PGCKA1: variants seen among roughly 807,000 people sequenced by gnomAD.
PGCKA1 encodes the protein PDCD10 and GCKIII kinases-associated protein 1.
the PGCKA1 span, among the ~76,000 whole-genome samples, chr4:37,478,287 G>T: frequency 6.6e-6 from 1 of 151,664 alleles, no homozygotes. Flanking sequence ...AATTTCCCTA[G>T]CCTAGACACA....
the PGCKA1 span, among the ~76,000 whole-genome samples, chr4:37,543,035 T>C: frequency 6.6e-6 from 1 of 152,246 alleles, no homozygotes; most frequent in South Asian, 2.1e-4. Flanking sequence ...CTCTTTCTCA[T>C]GACTTTCTCT....
the PGCKA1 span, among the ~76,000 whole-genome samples, chr4:37,577,130 A>G: frequency 6.6e-6 from 1 of 152,032 alleles, no homozygotes; most frequent in East Asian, 1.9e-4. Flanking sequence ...CTCCTCCTCT[A>G]TTTTTGAGAA....
the PGCKA1 span, among the ~76,000 whole-genome samples, chr4:37,487,064 A>G: frequency 2.0e-5 from 3 of 152,196 alleles, no homozygotes; most frequent in Non-Finnish European, 4.4e-5. Flanking sequence ...GATGGTGGTT[A>G]TTACTGGGGT....
the PGCKA1 span, among the ~76,000 whole-genome samples, chr4:37,573,585 C>T: frequency 3.3e-5 from 5 of 152,278 alleles, no homozygotes; most frequent in South Asian, 8.3e-4. Flanking sequence ...TTGTAACTGG[C>T]TTTTTTGCAC....
the PGCKA1 span, among the ~76,000 whole-genome samples, chr4:37,486,431 T>C: frequency 6.6e-6 from 1 of 152,200 alleles, no homozygotes; most frequent in East Asian, 1.9e-4. Context: ...CACTTATTTA[T>C]TGACATTCAG....
chr4:37,569,979 CTT>C, the PGCKA1 span, among the ~76,000 whole-genome samples: 30 of 119,254 alleles, frequency 2.5e-4, no homozygotes, highest in African/African-American at 4.9e-4. Flanking sequence ...GCATATAATC[CTT>C]TTTTTTTTTT....
chr4:37,463,660 G>A, the PGCKA1 span, among the ~76,000 whole-genome samples: 2 of 152,122 alleles, frequency 1.3e-5, no homozygotes, highest in African/African-American at 4.8e-5. Context: ...TTGTGGCGCT[G>A]GGGAGGTGAG....
the PGCKA1 span, among the ~76,000 whole-genome samples, chr4:37,570,425 C>A: frequency 1.2e-5 from 1 of 81,854 alleles, no homozygotes; most frequent in East Asian, 3.3e-4. Flanking sequence ...GGAAATGTTT[C>A]TGCCAAAAAA....
chr4:37,532,741 G>A, the PGCKA1 span, among the ~76,000 whole-genome samples: 8 of 152,164 alleles, frequency 5.3e-5, no homozygotes, highest in East Asian at 1.2e-3. Context: ...TTTTAATCCT[G>A]TTGTTTAAAA....
chr4:37,472,798 C>A, the PGCKA1 span, among the ~76,000 whole-genome samples: 1 of 152,128 alleles, frequency 6.6e-6, no homozygotes, highest in African/African-American at 2.4e-5. Flanking sequence ...TATGACCAGT[C>A]CCTATTTTTC....
At chr4:37,509,675 T>C in the PGCKA1 span, among the ~76,000 whole-genome samples, 1 of 150,864 alleles carries the variant, frequency 6.6e-6, no homozygotes, top group Non-Finnish European at 1.5e-5. Context: ...TGGGCAACAT[T>C]GAGCACTGAG....
chr4:37,531,453 A>G, the PGCKA1 span, among the ~76,000 whole-genome samples: 1 of 152,234 alleles, frequency 6.6e-6, no homozygotes, highest in South Asian at 2.1e-4. Context: ...TGGGAAATGC[A>G]TTTGCCCTTC....
chr4:37,544,231 T>G, the PGCKA1 span, among the ~76,000 whole-genome samples: 1 of 152,192 alleles, frequency 6.6e-6, no homozygotes, highest in African/African-American at 2.4e-5. Context: ...TGTATATCAT[T>G]GAGTTTTTTT....
the PGCKA1 span, among the ~76,000 whole-genome samples, chr4:37,475,577 G>A: frequency 6.6e-6 from 1 of 152,026 alleles, no homozygotes; most frequent in African/African-American, 2.4e-5. Flanking sequence ...AGGAAATTTT[G>A]TCTAGTTTCT....
the PGCKA1 span, among the ~76,000 whole-genome samples, chr4:37,497,552 A>T: frequency 2.6e-5 from 4 of 151,818 alleles, no homozygotes; most frequent in Admixed American, 2.0e-4. Flanking sequence ...ACTGTTTTTT[A>T]TTTTTTTGAT....
the PGCKA1 span, among the ~76,000 whole-genome samples, chr4:37,557,702 G>A: frequency 1.3e-5 from 2 of 152,138 alleles, no homozygotes. Flanking sequence ...TTTGGTTATT[G>A]GACAACTCCA....
the PGCKA1 span, among the ~76,000 whole-genome samples, chr4:37,507,846 T>C: frequency 1.3e-5 from 2 of 152,302 alleles, no homozygotes; most frequent in East Asian, 3.9e-4. Flanking sequence ...CCTTTAGCCT[T>C]TCTTGTTGAA....
the PGCKA1 span, among the ~76,000 whole-genome samples, chr4:37,518,489 T>C: frequency 6.6e-6 from 1 of 152,224 alleles, no homozygotes; most frequent in Admixed American, 6.5e-5. Context: ...TAGTATCTCA[T>C]TGTAATTTTG....
At chr4:37,533,561 T>C in the PGCKA1 span, among the ~76,000 whole-genome samples, 1 of 152,240 alleles carries the variant, frequency 6.6e-6, no homozygotes, top group African/African-American at 2.4e-5. Context: ...CAAACATTCT[T>C]TGACCTGCAA....
Sources: gnomAD v4.1 joint callset for allele counts (sites outside exome capture counted in the v4.1 genomes callset) on GRCh38, gnomAD v4.1.1 for gene constraint, MANE v1.5 for transcripts, NCBI Gene and HGNC (gene_info 2026-07-23, HGNC 2026-07-21) for gene names.